The following IQSEC1 variants were observed in gnomAD, a reference collection of about 807,000 sequenced individuals.
IQSEC1 encodes IQ motif and Sec7 domain ArfGEF 1.
A neutral mutation model predicts 91.0 loss-of-function variants in IQSEC1; 31 were observed. The ratio of observed to expected loss-of-function variants is 0.34; its 90% CI spans 0.26 to 0.46. The LOEUF is 0.46. Ranked by LOEUF, IQSEC1 falls within the 20% of genes least tolerant of loss-of-function variation. The pLI is 1.00. For synonymous variants in IQSEC1, 699 were observed against 662.6 expected (o/e 1.05, Z -0.84); for missense variants, 1,388 against 1,575.6 (o/e 0.88, Z 2.02).
At chr3:12,915,062 G>T (rs1421900706) in intron 8 of IQSEC1, 42 bp downstream of exon 8, 1 of 1,578,376 alleles carries the variant, frequency 6.3e-7, no homozygotes, top group Non-Finnish European at 8.6e-7. Flanking sequence ...CCTCCCCAGG[G>T]CGGCGGGCTA....
chr3:13,248,475 T>G (rs992071192), intron 1 of IQSEC1, among the ~76,000 whole-genome samples: 2 of 152,140 alleles, frequency 1.3e-5, no homozygotes, highest in Admixed American at 1.3e-4. Flanking sequence ...CAGTCTCCCC[T>G]GAGAGAACGT....
intron 10 of IQSEC1, among the ~76,000 whole-genome samples, chr3:12,910,863 A>G (rs1217423928): frequency 1.3e-5 from 2 of 152,184 alleles, no homozygotes; most frequent in Non-Finnish European, 2.9e-5. Context: ...ACGGACACTC[A>G]GCTTCTTTCC....
At position 12,901,029 on chromosome 3, in the gene IQSEC1, G is replaced by A; in HGVS notation, c.3299C>T (p.Pro1100Leu). Residue 1100 changes from proline to leucine, a missense_variant, in exon 14 of 14, where the codon CCC (proline) becomes CTC (leucine). Physicochemically the swap from Pro to Leu is moderately conservative, Grantham distance 98. Coordinates refer to ENST00000613206, the MANE Select transcript of IQSEC1 (RefSeq NM_001134382.3). ...GCTGGGTTTGGCCTTGCTGCTGGTG[G>A]GGGGCGGCGGGGCAGGGGGCTGCCC... is the stretch of plus-strand genomic sequence containing the variant. ...HHGQPPAPPP[P>L]TSSKAKPSGI... is the part of the protein sequence containing the mutation. 2 of 1,544,118 alleles carry A rather than the reference G, an allele frequency of 1.3e-6. No individual in the cohort carries two copies. The highest frequency in any genetic ancestry group is 1.7e-6 in the Non-Finnish European group (2 of 1,146,694).
At chr3:13,239,697 AC>A (rs1409582002) in intron 1 of IQSEC1, among the ~76,000 whole-genome samples, 1 of 152,256 alleles carries the variant, frequency 6.6e-6, no homozygotes, top group Admixed American at 6.5e-5. Flanking sequence ...CCGTGTGCCC[AC>A]AGGCAAAACT....
At position 12,935,793 on chromosome 3, in the gene IQSEC1, G is replaced by A; in HGVS notation, c.1223C>T (p.Pro408Leu). ...GAGGCTCTTGGGGGCGCCGCTGTGG[G>A]GACCATGCTTGGGACTGCCCTGCTG... ...GGQQGSPKHGPHSGAPKSLPR... is the reference protein window; with the variant it reads ...GGQQGSPKHGLHSGAPKSLPR... Residue 408 changes from proline to leucine, a missense_variant, in exon 3 of 14, where the codon CCC (proline) becomes CTC (leucine). Coordinates refer to ENST00000613206, the MANE Select transcript of IQSEC1 (RefSeq NM_001134382.3). This position sits in a 1 kb window ranked among gnomAD's most constrained non-coding sequence, Gnocchi z 8.0. The A allele has an allele frequency of 6.2e-7, 1 of 1,607,500 alleles. No homozygotes were observed. Among genetic ancestry groups the A allele is most frequent in the South Asian group, 1.1e-5 (1 of 91,050 alleles).
rs1696757870 is a variant in IQSEC1, at chr3:12,922,817, C to T, written c.1731-575G>A. Among the ~76,000 whole-genome samples the T allele has an allele frequency of 6.6e-6, 1 of 152,114 alleles. No homozygotes were observed. Among genetic ancestry groups the T allele is most frequent in the Non-Finnish European group, 1.5e-5 (1 of 68,014 alleles). ...AGGGGCGGCTGATGAATGGTCTCCA[C>T]ATTCTTCCCATGGCCCTGCCCCGGC... On this transcript the variant is annotated intron_variant, in intron 4 of 13. Coordinates refer to ENST00000613206, the MANE Select transcript of IQSEC1 (RefSeq NM_001134382.3). The surrounding 1 kb of genome is among the most constrained non-coding windows in gnomAD (Gnocchi z 5.1).
chr3:13,083,473 T>C (rs1014230318), intron 2 of IQSEC1, among the ~76,000 whole-genome samples: 4 of 152,262 alleles, frequency 2.6e-5, no homozygotes, highest in East Asian at 1.9e-4. Flanking sequence ...CCTCTTCCTC[T>C]TCCTACTCTG....
At chr3:12,974,798 C>A (rs552062934) in intron 1 of IQSEC1, among the ~76,000 whole-genome samples, 1 of 151,150 alleles carries the variant, frequency 6.6e-6, no homozygotes, top group Admixed American at 6.6e-5. Flanking sequence ...TGGTAGGTGG[C>A]GCAGGGAGCC....
chr3:13,224,154 C>A (rs1342875505), intron 1 of IQSEC1, among the ~76,000 whole-genome samples: 1 of 152,090 alleles, frequency 6.6e-6, no homozygotes, highest in Non-Finnish European at 1.5e-5. Context: ...AGGGCCGGTG[C>A]AGAGCGAGAG....
At position 12,924,528 on chromosome 3, in the gene IQSEC1, G is replaced by A. The variant is rs1337525957; in HGVS notation, c.1730+53C>T. The stretch of plus-strand genomic sequence containing the variant: ...TGTGTGCCCACGGGTAACACAGGGT[G>A]CGTGAGGGCGTGTGTGGAATCAGGT... On this transcript the variant is annotated intron_variant, in intron 4 of 13. Transcript: ENST00000613206. The surrounding 1 kb of genome is among the most constrained non-coding windows in gnomAD (Gnocchi z 6.3). 7.9e-6 allele frequency: 12 copies of A among 1,524,922 alleles called. No homozygotes were observed. The highest frequency in any genetic ancestry group is 6.3e-5 in the South Asian group (5 of 79,370). 94.5% of individuals were successfully genotyped at this position (1,524,922 alleles called of 1,614,324 possible). A position where few individuals can be genotyped will look rare whatever the true frequency, so the allele number is the denominator to read the frequency against.
At chr3:13,004,237 G>C (rs1337908657) in intron 1 of IQSEC1, among the ~76,000 whole-genome samples, 2 of 152,192 alleles carry the variant, frequency 1.3e-5, no homozygotes, top group African/African-American at 2.4e-5. Context: ...ACAGCCAGAG[G>C]GTAGGGTGAG....
chr3:13,021,263 C>T (rs1221662812), intron 1 of IQSEC1, among the ~76,000 whole-genome samples: 7 of 152,178 alleles, frequency 4.6e-5, no homozygotes, highest in Admixed American at 2.0e-4. Context: ...CTGCAGAGGC[C>T]GCAGCGATCA....
chr3:13,060,583 C>T (rs143824176), intron 1 of IQSEC1, among the ~76,000 whole-genome samples: 1 of 152,322 alleles, frequency 6.6e-6, no homozygotes, highest in African/African-American at 2.4e-5. Flanking sequence ...GGGCTTCCTG[C>T]AAGGGGGCCA....
chr3:13,030,188 G>C (rs1418627441), intron 1 of IQSEC1, among the ~76,000 whole-genome samples: 1 of 152,158 alleles, frequency 6.6e-6, no homozygotes, highest in African/African-American at 2.4e-5. Flanking sequence ...ACCTCCACCT[G>C]CCAGGTTCAA....
In IQSEC1 at chr3:12,935,969, C is replaced by T. The variant is rs141410454; in HGVS notation, c.1047G>A (p.Pro349=). 6.8e-5 allele frequency: 109 copies of T among 1,599,058 alleles called. No homozygotes were observed. The highest frequency in any genetic ancestry group is 5.1e-4 in the African/African-American group (38 of 75,042). ...ADTDTSCRST[P]SLERQEQRLR... ...GCCGCTGCTCCTGCCGCTCCAGCGA[C>T]GGCGTGCTCCGGCAGCTCGTGTCCG... Residue 349 remains proline (P), a synonymous_variant, in exon 3 of 14, where the codon CCG becomes CCA. Transcript: ENST00000613206. This position sits in a 1 kb window ranked among gnomAD's most constrained non-coding sequence, Gnocchi z 8.0.
chr3:13,172,807 G>A (rs1648698732), intron 1 of IQSEC1, among the ~76,000 whole-genome samples: 2 of 152,188 alleles, frequency 1.3e-5, no homozygotes, highest in South Asian at 4.1e-4. Flanking sequence ...CCAGTACGGT[G>A]AGCTCTGCCG....
chr3:13,232,162 C>T (rs572740240), intron 1 of IQSEC1, among the ~76,000 whole-genome samples: 5 of 152,270 alleles, frequency 3.3e-5, no homozygotes, highest in South Asian at 2.1e-4. Context: ...CACTTCAGGA[C>T]GACAAAGGGA....
chr3:12,899,712 C>A lies in IQSEC1; in HGVS notation c.*1271G>T. The A allele has an allele frequency of 1.0e-6, 1 of 985,400 alleles. No homozygotes were observed. The highest frequency in any genetic ancestry group is 1.2e-6 in the Non-Finnish European group (1 of 829,916). The allele number at this position is 985,400 out of a possible 1,614,324, so 61.0% of individuals were successfully genotyped here. A position where few individuals can be genotyped will look rare whatever the true frequency, so the allele number is the denominator to read the frequency against. The stretch of plus-strand genomic sequence containing the variant: ...CACTGCTACCACTCAGAAAACAAAA[C>A]GGGAAACACACACACCGCCCTGGGT... On this transcript the variant is annotated 3_prime_UTR_variant, in exon 14 of 14. Transcript: ENST00000613206.
intron 1 of IQSEC1, among the ~76,000 whole-genome samples, chr3:13,019,333 C>T (rs979410422): frequency 2.9e-4 from 44 of 152,236 alleles, no homozygotes; most frequent in African/African-American, 1.0e-3. Context: ...CGCACAGCTG[C>T]TCCACACACA....
Sources: allele counts gnomAD v4.1 joint callset (sites outside exome capture counted in the v4.1 genomes callset), GRCh38; gene constraint gnomAD v4.1.1; non-coding constraint Gnocchi (gnomAD v3.1); transcripts MANE v1.5; gene names NCBI Gene and HGNC (gene_info 2026-07-23, HGNC 2026-07-21).